ATAD3A: variants seen among roughly 807,000 people sequenced by gnomAD.
The protein encoded by ATAD3A is ATPase family AAA domain containing 3A.
In ATAD3A, 46 loss-of-function variants were observed where a neutral mutation model predicts 73.8. That is an observed-to-expected ratio of 0.62 (90% CI 0.49 to 0.80). ATAD3A has a LOEUF of 0.80. Among genes scored for constraint, ATAD3A ranks in the 30% least tolerant of loss-of-function variants. The pLI is 0.00. For synonymous variants in ATAD3A, 319 were observed against 350.0 expected, an observed-to-expected ratio of 0.91 and a Z score of 0.99; for missense variants, 705 against 838.0, an observed-to-expected ratio of 0.84 and a Z score of 1.96.
At chr1:1,518,570 G>GAC (rs144700871) in intron 4 of ATAD3A, among the ~76,000 whole-genome samples, 4 of 106,394 alleles carry the variant, frequency 3.8e-5, no homozygotes, top group African/African-American at 1.2e-4. Flanking sequence ...CCGTCACAGG[G>GAC]ACACACACAC....
At chr1:1,531,112 G>C (rs1019800463) in intron 15 of ATAD3A, among the ~76,000 whole-genome samples, 7 of 151,448 alleles carry the variant, frequency 4.6e-5, no homozygotes, top group African/African-American at 1.7e-4. Context: ...GAGCTGAGAT[G>C]GTGCCACTGC....
intron 10 of ATAD3A, 138 bp downstream of exon 10, chr1:1,524,102 G>A: frequency 5.8e-6 from 9 of 1,561,230 alleles, no homozygotes; most frequent in East Asian, 2.3e-5. Flanking sequence ...CAGGGTGCTG[G>A]TGTGGGCAGC....
At position 1,521,819 on chromosome 1, in the gene ATAD3A, C is replaced by T. The variant is rs182760945; in HGVS notation, c.751-925C>T. Among the ~76,000 whole-genome samples, 639 of 152,332 alleles carry T rather than the reference C, an allele frequency of 4.2e-3. 6 individuals carry two copies. Among genetic ancestry groups the T allele is most frequent in the African/African-American group, 0.015 (610 of 41,574 alleles). On this transcript the variant is annotated intron_variant, in intron 7 of 15. Transcript: ENST00000378756. ...AGTTCAAGCAGTTCTCCTGCCTCAGCCTCCCAAGTGACTGGGATTACAGGC... is the reference window on the plus strand; with the variant it reads ...AGTTCAAGCAGTTCTCCTGCCTCAGTCTCCCAAGTGACTGGGATTACAGGC...
chr1:1,517,543 A>G, intron 3 of ATAD3A, 131 bp downstream of exon 3: 1 of 843,462 alleles, frequency 1.2e-6, no homozygotes, highest in Non-Finnish European at 1.8e-6. Flanking sequence ...ACGGCCTTGC[A>G]CAAACGCCTA....
intron 15 of ATAD3A, among the ~76,000 whole-genome samples, chr1:1,531,589 C>T (rs112386508): frequency 0.092 from 13,842 of 151,006 alleles, 744 homozygotes; most frequent in East Asian, 0.14. Flanking sequence ...CTGGCTAACA[C>T]GGTGGAACCC....
chr1:1,529,095 A>C, intron 14 of ATAD3A, 128 bp from the exon 15 acceptor site: 1 of 1,394,912 alleles, frequency 7.2e-7, no homozygotes, highest in South Asian at 1.3e-5. Context: ...CTGGGCTGTC[A>C]GAAGTAGAGA....
In ATAD3A at chr1:1,518,031, GCACACA is replaced by G. The variant is rs894870018; in HGVS notation, c.444+259_444+264del. Among the ~76,000 whole-genome samples the G allele has an allele frequency of 3.3e-5, 5 of 151,606 alleles. No homozygotes were observed. The East Asian group carries it at 5.8e-4, about 18-fold the overall frequency. On this transcript the variant is annotated intron_variant, in intron 4 of 15. Transcript: ENST00000378756. ...CACACTCCTCGCACACACACTCCCA[GCACACA>G]CAGACAGGTGCACCCACTTCTGCAC...
chr1:1,525,927 C>T (rs116279124), intron 12 of ATAD3A, among the ~76,000 whole-genome samples: 1,941 of 152,224 alleles, frequency 0.013, 15 homozygotes, highest in African/African-American at 0.016. Flanking sequence ...AGACTGGGCT[C>T]AAACTTCTGA....
intron 12 of ATAD3A, 33 bp from the exon 13 acceptor site, chr1:1,526,428 C>A: frequency 2.5e-6 from 4 of 1,587,034 alleles, no homozygotes. Context: ...GGCTTTGCTC[C>A]TGGTGCCTAA....
intron 1 of ATAD3A, among the ~76,000 whole-genome samples, chr1:1,514,438 C>T (rs1251243219): frequency 1.3e-5 from 2 of 152,214 alleles, no homozygotes; most frequent in Non-Finnish European, 2.9e-5. Flanking sequence ...CCGAGCTTAG[C>T]AGCCAAACCC....
intron 15 of ATAD3A, among the ~76,000 whole-genome samples, chr1:1,530,885 C>T (rs1400155293): frequency 1.3e-5 from 2 of 148,872 alleles, no homozygotes; most frequent in Non-Finnish European, 3.0e-5. Context: ...AGTGCGGTGG[C>T]TCACTCCTGT....
Position 1,524,307 on chromosome 1 carries a change from T to A in ATAD3A, c.1124T>A (p.Ile375Asn), listed in dbSNP as rs1205527437. Residue 375 changes from isoleucine to asparagine, a missense_variant, in exon 11 of 16, where the codon ATC becomes AAC. Ile to Asn is a moderately radical substitution (Grantham distance 149). Coordinates refer to ENST00000378756, the MANE Select transcript of ATAD3A (RefSeq NM_001170535.3). ...CTGCACTCAGGCATGGACTACGCCATCATGACAGGCGGGGACGTGGCCCCC... is the reference window on the plus strand; with the variant it reads ...CTGCACTCAGGCATGGACTACGCCAACATGACAGGCGGGGACGTGGCCCCC... ...LALHSGMDYAIMTGGDVAPMG... is the reference protein window; with the variant it reads ...LALHSGMDYANMTGGDVAPMG... 4.0e-5 allele frequency: 65 copies of A among 1,613,578 alleles called. No individual in the cohort carries two copies. Among genetic ancestry groups the A allele is most frequent in the Non-Finnish European group, 5.0e-5 (59 of 1,179,802 alleles).
intron 1 of ATAD3A, among the ~76,000 whole-genome samples, chr1:1,515,601 T>G (rs1641329523): frequency 6.6e-6 from 1 of 152,226 alleles, no homozygotes; most frequent in African/African-American, 2.4e-5. Context: ...CTATTCTTAT[T>G]CATTCCCTTT....
chr1:1,532,501 G>A (rs532364247), intron 15 of ATAD3A, among the ~76,000 whole-genome samples: 20 of 152,326 alleles, frequency 1.3e-4, no homozygotes, highest in Non-Finnish European at 2.5e-4. Flanking sequence ...ACCTTGCCAC[G>A]TGGTGAACAT....
chr1:1,524,175 G>T, intron 10 of ATAD3A, 98 bp from the exon 11 acceptor site: 1 of 1,574,988 alleles, frequency 6.3e-7, no homozygotes, highest in Non-Finnish European at 8.6e-7. Flanking sequence ...TTCCAGGCAG[G>T]GACGCTGGGC....
rs374506448 is a variant in ATAD3A, at chr1:1,523,645, G to T, written c.963+78G>T. ...GGGCCGGGCTGTGGCCCTTGCTGGCGCTCGTGGTGGCACCCAGGAGCTTTT... is the reference window on the plus strand; with the variant it reads ...GGGCCGGGCTGTGGCCCTTGCTGGCTCTCGTGGTGGCACCCAGGAGCTTTT... On this transcript the variant is annotated intron_variant, in intron 9 of 15. Coordinates refer to ENST00000378756, the MANE Select transcript of ATAD3A (RefSeq NM_001170535.3). The surrounding 1 kb of genome is among the most constrained non-coding windows in gnomAD (Gnocchi z 5.1). 10 of 1,603,892 alleles carry T rather than the reference G, an allele frequency of 6.2e-6. No homozygotes were observed. Among genetic ancestry groups the T allele is most frequent in the Admixed American group, 1.7e-5 (1 of 58,964 alleles).
chr1:1,529,707 G>A (rs1326202662), intron 15 of ATAD3A, among the ~76,000 whole-genome samples: 1 of 152,228 alleles, frequency 6.6e-6, no homozygotes, highest in Non-Finnish European at 1.5e-5. Flanking sequence ...TTGGGGGTTC[G>A]GGGTGGAGGG....
At chr1:1,522,343 C>G (rs1641628438) in intron 7 of ATAD3A, among the ~76,000 whole-genome samples, 1 of 152,086 alleles carries the variant, frequency 6.6e-6, no homozygotes, top group South Asian at 2.1e-4. Context: ...GCCCAGCCAG[C>G]CTAATTGATT....
rs572834521 is a variant in ATAD3A at position 1,522,227 on chromosome 1, G to A, written c.751-517G>A. On this transcript the variant is annotated intron_variant, in intron 7 of 15. Transcript: ENST00000378756. ...GCTAATTTTTTGTATTTTTAGTAGA[G>A]ACGGGGTTTCTCCATGTGGGTTAGG... Among the ~76,000 whole-genome samples the A allele has an allele frequency of 1.9e-3, 283 of 152,196 alleles. 3 individuals are homozygous for A. The highest frequency in any genetic ancestry group is 6.6e-3 in the African/African-American group (274 of 41,524).
Sources: allele counts gnomAD v4.1 joint callset (sites outside exome capture counted in the v4.1 genomes callset), GRCh38; gene constraint gnomAD v4.1.1; non-coding constraint Gnocchi (gnomAD v3.1); transcripts MANE v1.5; gene names NCBI Gene and HGNC (gene_info 2026-07-23, HGNC 2026-07-21).